Variants in ADAMTS3 observed in about 807,000 individuals in gnomAD.
ADAMTS3 encodes A disintegrin and metalloproteinase with thrombospondin motifs 3.
In ADAMTS3, 73 loss-of-function variants were observed where a neutral mutation model predicts 129.0. That is an observed-to-expected ratio of 0.57 (90% CI 0.47 to 0.69). The LOEUF is 0.69. Among genes scored for constraint, ADAMTS3 ranks in the 30% least tolerant of loss-of-function variants. ADAMTS3 has a pLI of 0.00. For synonymous variants in ADAMTS3, 477 were observed against 510.8 expected, an observed-to-expected ratio of 0.93 and a Z score of 0.89; for missense variants, 1,457 against 1,514.5, an observed-to-expected ratio of 0.96 and a Z score of 0.63.
intron 3 of ADAMTS3, among the ~76,000 whole-genome samples, chr4:72,537,944 A>G (rs950851077): frequency 2.6e-5 from 4 of 152,304 alleles, no homozygotes; most frequent in South Asian, 2.1e-4. Context: ...GAAAGACATA[A>G]ATTCTAAAAA....
chr4:72,437,576 T>G (rs1717978562), intron 3 of ADAMTS3, among the ~76,000 whole-genome samples: 1 of 151,802 alleles, frequency 6.6e-6, no homozygotes, highest in Admixed American at 6.6e-5. Flanking sequence ...GAAAAACCGA[T>G]GCAGAAGATG....
chr4:72,406,457 AT>A (rs1192435908), intron 4 of ADAMTS3, among the ~76,000 whole-genome samples: 1 of 152,174 alleles, frequency 6.6e-6, no homozygotes, highest in Admixed American at 6.5e-5. Flanking sequence ...CCACAATGAA[AT>A]CCTTTTATTA....
intron 4 of ADAMTS3, among the ~76,000 whole-genome samples, chr4:72,356,785 G>T (rs546447731): frequency 6.6e-6 from 1 of 151,744 alleles, no homozygotes; most frequent in African/African-American, 2.4e-5. Context: ...TAGTTTCTAT[G>T]TTTATAAATT....
intron 6 of ADAMTS3, among the ~76,000 whole-genome samples, chr4:72,321,740 A>G (rs532506775): frequency 2.0e-5 from 3 of 152,298 alleles, no homozygotes; most frequent in South Asian, 2.1e-4. Context: ...TCTATGGAGA[A>G]CCATCAAATT....
chr4:72,500,211 T>A (rs936973427), intron 3 of ADAMTS3, among the ~76,000 whole-genome samples: 7 of 152,196 alleles, frequency 4.6e-5, no homozygotes, highest in African/African-American at 1.7e-4. Flanking sequence ...ATTTCCATAG[T>A]GGCTGGACAA....
At chr4:72,432,078 T>C (rs1722713742) in intron 3 of ADAMTS3, among the ~76,000 whole-genome samples, 1 of 151,942 alleles carries the variant, frequency 6.6e-6, no homozygotes, top group Non-Finnish European at 1.5e-5. Context: ...GAGTCATTCT[T>C]GATCCTCTGT....
intron 4 of ADAMTS3, among the ~76,000 whole-genome samples, chr4:72,412,252 T>C (rs928939392): frequency 6.6e-6 from 1 of 152,032 alleles, no homozygotes; most frequent in Non-Finnish European, 1.5e-5. Context: ...AAATAACTCA[T>C]TAAGAAAGAC....
chr4:72,294,368 T>C (rs1351213004), intron 19 of ADAMTS3, among the ~76,000 whole-genome samples: 1 of 152,130 alleles, frequency 6.6e-6, no homozygotes, highest in African/African-American at 2.4e-5. Flanking sequence ...AACATGTTTT[T>C]GAGATCTACT....
chr4:72,339,426 A>G lies in ADAMTS3; in HGVS notation c.861+68T>C, dbSNP rs76560165. On this transcript the variant is annotated intron_variant, in intron 5 of 21. Coordinates refer to ENST00000286657, the MANE Select transcript of ADAMTS3 (RefSeq NM_014243.3). ...ATGGAAGTTCTCACACAGATTGCCA[A>G]AGGGTACCAACAAATAAGAGAAGTG... The G allele has an allele frequency of 4.8e-3, 7,209 of 1,517,272 alleles. 268 individuals carry two copies. The African/African-American group carries it at 0.085, about 18-fold the overall frequency. The allele number at this position is 1,517,272 out of a possible 1,614,324, so 94.0% of individuals were successfully genotyped here. A position where few individuals can be genotyped will look rare whatever the true frequency, so the allele number is the denominator to read the frequency against.
intron 4 of ADAMTS3, among the ~76,000 whole-genome samples, chr4:72,408,365 G>C (rs570889865): frequency 6.6e-6 from 1 of 151,688 alleles, no homozygotes; most frequent in African/African-American, 2.4e-5. Flanking sequence ...GACATAGGAG[G>C]TGCACACACA....
chr4:72,562,192 T>G lies in ADAMTS3; in HGVS notation c.97+5182A>C, dbSNP rs1186917763. On this transcript the variant is annotated intron_variant, in intron 2 of 21. Transcript: ENST00000286657. ...TCTTTCAGATTGCATAACCAAATAT[T>G]TAAAAATTATATTCAAATATCAAAA... Among the ~76,000 whole-genome samples, 60 of 152,166 alleles carry G rather than the reference T, an allele frequency of 3.9e-4. 1 individual carries two copies.
intron 3 of ADAMTS3, among the ~76,000 whole-genome samples, chr4:72,430,079 A>C (rs763242319): frequency 1.8e-4 from 28 of 152,034 alleles, no homozygotes; most frequent in Admixed American, 4.6e-4. Context: ...CCCATGAATC[A>C]AATTAGGTCA....
At chr4:72,445,849 A>C (rs1560518130) in intron 3 of ADAMTS3, among the ~76,000 whole-genome samples, 1 of 151,778 alleles carries the variant, frequency 6.6e-6, no homozygotes, top group Non-Finnish European at 1.5e-5. Flanking sequence ...ATATCAGTTA[A>C]ATATAATAAT....
At chr4:72,289,480 A>G (rs1015899755) in intron 20 of ADAMTS3, among the ~76,000 whole-genome samples, 1 of 152,356 alleles carries the variant, frequency 6.6e-6, no homozygotes, top group East Asian at 1.9e-4. Flanking sequence ...CTAAGCTCAG[A>G]AAGTTCCATG....
chr4:72,312,268 A>C, intron 13 of ADAMTS3, 23 bp downstream of exon 13: 8 of 1,612,692 alleles, frequency 5.0e-6, no homozygotes, highest in Non-Finnish European at 6.8e-6. Context: ...ACACAGCAGG[A>C]AGGAGAGCAC....
intron 14 of ADAMTS3, 99 bp downstream of exon 14, chr4:72,310,949 T>C: frequency 8.7e-7 from 1 of 1,144,092 alleles, no homozygotes; most frequent in Non-Finnish European, 1.2e-6. Context: ...TATAATGTGA[T>C]TTCAAAGATA....
chr4:72,518,403 T>A (rs1720557475), intron 3 of ADAMTS3, among the ~76,000 whole-genome samples: 1 of 152,214 alleles, frequency 6.6e-6, no homozygotes, highest in Non-Finnish European at 1.5e-5. Flanking sequence ...CTTAACTTTC[T>A]GTCTCGTAGA....
At chr4:72,327,870 C>T (rs1719738628) in intron 5 of ADAMTS3, among the ~76,000 whole-genome samples, 2 of 151,986 alleles carry the variant, frequency 1.3e-5, no homozygotes, top group South Asian at 4.2e-4. Context: ...AGGAGCGAGG[C>T]TCTAAACTGA....
chr4:72,503,796 A>G (rs142657679), intron 3 of ADAMTS3, among the ~76,000 whole-genome samples: 2 of 152,334 alleles, frequency 1.3e-5, no homozygotes, highest in African/African-American at 4.8e-5. Flanking sequence ...GGATGTGTAT[A>G]TATTTAAGAC....
Sources: gnomAD v4.1 joint callset for allele counts (sites outside exome capture counted in the v4.1 genomes callset) on GRCh38, gnomAD v4.1.1 for gene constraint, MANE v1.5 for transcripts, NCBI Gene and HGNC (gene_info 2026-07-23, HGNC 2026-07-21) for gene names.